The following PECAM1 variants were observed in gnomAD, a reference collection of about 807,000 sequenced individuals.
The protein encoded by PECAM1 is platelet endothelial cell adhesion molecule.
PECAM1 carries 8 observed loss-of-function variants against 13.8 expected under a neutral mutation model. The ratio of observed to expected loss-of-function variants is 0.58; its 90% CI spans 0.34 to 1.05. The LOEUF (loss-of-function observed/expected upper bound fraction) is 1.05, where lower values mean the gene tolerates loss of function less well. Ranked by LOEUF, PECAM1 falls within the 50% of genes least tolerant of loss-of-function variation. The pLI is 0.03. For missense variants in PECAM1, 304 were observed against 141.2 expected, an observed-to-expected ratio of 2.15 and a Z score of -5.84; for synonymous variants, 136 against 52.6, an observed-to-expected ratio of 2.58 and a Z score of -6.86.
intron 3 of PECAM1, among the ~76,000 whole-genome samples, 163 bp from the exon 4 acceptor site, chr17:64,375,519 T>C (rs1166147425): frequency 2.0e-5 from 3 of 152,082 alleles, no homozygotes; most frequent in African/African-American, 4.8e-5. Context: ...ACCTACCAGG[T>C]AATAAATGAA....
intron 2 of PECAM1, among the ~76,000 whole-genome samples, chr17:64,386,179 T>C (rs1175416576): frequency 6.6e-6 from 1 of 151,906 alleles, no homozygotes; most frequent in African/African-American, 2.4e-5. Flanking sequence ...CCAAGACAGG[T>C]GGATCACTTA....
chr17:64,363,104 C>T, intron 6 of PECAM1, 45 bp downstream of exon 6: 1 of 475,010 alleles, frequency 2.1e-6, no homozygotes, highest in Non-Finnish European at 3.9e-6. Context: ...TTCCTTTCTC[C>T]CATTCAACCC....
intron 14 of PECAM1, among the ~76,000 whole-genome samples, chr17:64,331,905 C>A (rs1256456972): frequency 1.3e-5 from 2 of 152,186 alleles, no homozygotes; most frequent in Non-Finnish European, 2.9e-5. Flanking sequence ...GTGGGAGGGC[C>A]ATAAGTCCTC....
intron 13 of PECAM1, among the ~76,000 whole-genome samples, chr17:64,342,060 G>GTT (rs2035445380): frequency 6.6e-6 from 1 of 151,654 alleles, no homozygotes; most frequent in Non-Finnish European, 1.5e-5. Flanking sequence ...TAAGGGACGA[G>GTT]AATCGCTTGA....
At chr17:64,354,094 C>T (rs1453223200) in intron 9 of PECAM1, among the ~76,000 whole-genome samples, 2 of 151,962 alleles carry the variant, frequency 1.3e-5, no homozygotes, top group Non-Finnish European at 2.9e-5. Context: ...CACCCATCAC[C>T]ACGTCTGGCC....
chr17:64,344,130 G>T (rs2035504166), intron 13 of PECAM1, among the ~76,000 whole-genome samples: 1 of 152,100 alleles, frequency 6.6e-6, no homozygotes, highest in Non-Finnish European at 1.5e-5. Context: ...CAGGCCCACA[G>T]TGGGGGCTGG....
At chr17:64,356,636 A>G (rs1338157820) in intron 7 of PECAM1, among the ~76,000 whole-genome samples, 1 of 151,964 alleles carries the variant, frequency 6.6e-6, no homozygotes, top group Non-Finnish European at 1.5e-5. Flanking sequence ...CACCAGGCCC[A>G]GCTAACTTTT....
intron 4 of PECAM1, among the ~76,000 whole-genome samples, chr17:64,374,077 T>C (rs1218646621): frequency 6.6e-6 from 1 of 152,034 alleles, no homozygotes; most frequent in East Asian, 1.9e-4. Flanking sequence ...GGCCCCTCTT[T>C]CCTCCCGATC....
At chr17:64,389,698 T>C (rs954080554) in intron 2 of PECAM1, among the ~76,000 whole-genome samples, 3 of 152,094 alleles carry the variant, frequency 2.0e-5, no homozygotes, top group African/African-American at 7.2e-5. Flanking sequence ...ATGGAATTGC[T>C]CATTAAAATA....
At chr17:64,382,035 G>C (rs79922575) in intron 2 of PECAM1, among the ~76,000 whole-genome samples, 1 of 152,150 alleles carries the variant, frequency 6.6e-6, no homozygotes, top group East Asian at 1.9e-4. Context: ...GGGAGGCAGA[G>C]GTTGCAGTGA....
intron 9 of PECAM1, among the ~76,000 whole-genome samples, chr17:64,354,305 C>G (rs1259014463): frequency 1.3e-5 from 2 of 152,120 alleles, no homozygotes; most frequent in Non-Finnish European, 2.9e-5. Flanking sequence ...GTTTGTAACT[C>G]GAAGCTGGCC....
At chr17:64,342,848 G>T (rs1428850812) in intron 13 of PECAM1, among the ~76,000 whole-genome samples, 1 of 152,108 alleles carries the variant, frequency 6.6e-6, no homozygotes, top group Non-Finnish European at 1.5e-5. Context: ...CACACAATGT[G>T]TATACATGCT....
In PECAM1 at chr17:64,380,451, C is replaced by G. The variant is rs944002803; in HGVS notation, c.92-2334G>C. Among the ~76,000 whole-genome samples, 14 of 152,286 alleles carry G rather than the reference C, an allele frequency of 9.2e-5. No homozygotes were observed. The South Asian group carries it at 2.9e-3, about 32-fold the overall frequency. On this transcript the variant is annotated intron_variant, in intron 2 of 15. Transcript: ENST00000563924. ...TTTTTCCCAAATCCCTACACGTCCC[C>G]CCAGAAATTTCTACCATGCCCATTC...
intron 3 of PECAM1, among the ~76,000 whole-genome samples, chr17:64,377,104 C>T (rs1451597067): frequency 2.0e-5 from 3 of 152,138 alleles, no homozygotes; most frequent in Admixed American, 6.6e-5. Context: ...TGTTATCTTC[C>T]TTTTACTGGT....
At chr17:64,345,207 T>C (rs2035532831) in intron 13 of PECAM1, among the ~76,000 whole-genome samples, 1 of 151,978 alleles carries the variant, frequency 6.6e-6, no homozygotes, top group African/African-American at 2.4e-5. Flanking sequence ...CAGTGGCTCA[T>C]GCTTGTAATC....
In PECAM1 at chr17:64,323,238, C is replaced by A; in HGVS notation, c.*578G>T. 1 of 990,896 alleles carries A rather than the reference C, an allele frequency of 1.0e-6. No individual in the cohort carries two copies. Among genetic ancestry groups the A allele is most frequent in the Admixed American group, 5.7e-5 (1 of 17,426 alleles). The allele number at this position is 990,896 out of a possible 1,614,324, so 61.4% of individuals were successfully genotyped here. A position where few individuals can be genotyped will look rare whatever the true frequency, so the allele number is the denominator to read the frequency against. On this transcript the variant is annotated 3_prime_UTR_variant, in exon 16 of 16. Transcript: ENST00000563924. ...ACGGTGTCTTCAGGTTGGTATTTCACAGGCGGTGCTCCCAAGTAGTCTGGT... is the reference window on the plus strand; with the variant it reads ...ACGGTGTCTTCAGGTTGGTATTTCAAAGGCGGTGCTCCCAAGTAGTCTGGT...
At chr17:64,335,125 G>A (rs915581564) in intron 14 of PECAM1, among the ~76,000 whole-genome samples, 2 of 66,340 alleles carry the variant, frequency 3.0e-5, no homozygotes, top group East Asian at 4.1e-4. Context: ...AGTGGGGTGC[G>A]CCAAACTATT....
At chr17:64,333,236 C>G (rs1350247596) in intron 14 of PECAM1, among the ~76,000 whole-genome samples, 2 of 152,112 alleles carry the variant, frequency 1.3e-5, no homozygotes, top group African/African-American at 4.8e-5. Context: ...GCCTCTGGCT[C>G]AACAGGTAGG....
At chr17:64,374,783 C>CA (rs118196499) in intron 4 of PECAM1, among the ~76,000 whole-genome samples, 117,243 of 147,744 alleles carry the variant, frequency 0.79, 52,060 homozygotes, top group South Asian at 0.99. Flanking sequence ...GACTCTGTCT[C>CA]AAAAAAAAAA....
Sources: allele counts gnomAD v4.1 joint callset (sites outside exome capture counted in the v4.1 genomes callset), GRCh38; gene constraint gnomAD v4.1.1; transcripts MANE v1.5; gene names NCBI Gene and HGNC (gene_info 2026-07-23, HGNC 2026-07-21).